Variants in ZNF710 observed in about 807,000 individuals in gnomAD.
ZNF710 encodes zinc finger protein 710.
ZNF710 carries 13 observed loss-of-function variants against 50.6 expected under a neutral mutation model. That is an observed-to-expected ratio of 0.26 (90% CI 0.17 to 0.41). ZNF710 has a LOEUF of 0.41. ZNF710 is among the 10% of genes least tolerant of loss of function. The pLI is 1.00. For missense variants in ZNF710, 721 were observed against 936.6 expected (o/e 0.77, Z 3.01); for synonymous variants, 383 against 397.0 (o/e 0.96, Z 0.42).
At chr15:90,021,883 C>G (rs1380486746) in intron 1 of ZNF710, among the ~76,000 whole-genome samples, 1 of 152,032 alleles carries the variant, frequency 6.6e-6, no homozygotes, top group Non-Finnish European at 1.5e-5. Context: ...GTCAGAAGTT[C>G]AAGACCAGGT....
At position 90,080,116 on chromosome 15, in the gene ZNF710, A is replaced by G. The variant is rs963420455; in HGVS notation, c.*287A>G. ...GCCTGCTTCCGTGGGGAGTGGGAGAAGTGGGGCCACTGGGGACAGGTCACA... is the reference window on the plus strand; with the variant it reads ...GCCTGCTTCCGTGGGGAGTGGGAGAGGTGGGGCCACTGGGGACAGGTCACA... On this transcript the variant is annotated 3_prime_UTR_variant, in exon 5 of 5. Transcript: ENST00000268154. 9.8e-6 allele frequency: 3 copies of G among 307,452 alleles called. No homozygotes were observed. The highest frequency in any genetic ancestry group is 1.8e-5 in the Non-Finnish European group (3 of 168,738). 19.0% of individuals were successfully genotyped at this position (307,452 alleles called of 1,614,324 possible). A position where few individuals can be genotyped will look rare whatever the true frequency, so the allele number is the denominator to read the frequency against.
At chr15:90,035,755 C>A (rs1308423171) in intron 1 of ZNF710, among the ~76,000 whole-genome samples, 2 of 152,212 alleles carry the variant, frequency 1.3e-5, no homozygotes, top group Admixed American at 1.3e-4. Flanking sequence ...CGCCTTCTAG[C>A]AAAAATGTCC....
At chr15:90,069,757 T>C (rs1485411488) in intron 2 of ZNF710, among the ~76,000 whole-genome samples, 8 of 152,064 alleles carry the variant, frequency 5.3e-5, no homozygotes, top group Non-Finnish European at 1.2e-4. Flanking sequence ...AAGGCAGAAA[T>C]TGAGCAGCAC....
At chr15:90,006,015 A>C (rs1441034538) in intron 1 of ZNF710, among the ~76,000 whole-genome samples, 1 of 152,066 alleles carries the variant, frequency 6.6e-6, no homozygotes, top group Admixed American at 6.6e-5. Context: ...CATGCCAAAG[A>C]GTTGGGCGTT....
chr15:90,021,017 C>CCCA (rs999752547), intron 1 of ZNF710, among the ~76,000 whole-genome samples: 35 of 106,902 alleles, frequency 3.3e-4, no homozygotes, highest in Admixed American at 1.5e-3. Flanking sequence ...GCACCCCCCC[C>CCCA]CCCTTAGCAG....
chr15:90,000,898 C>T (rs905645900), upstream of ZNF710, among the ~76,000 whole-genome samples: 1 of 152,124 alleles, frequency 6.6e-6, no homozygotes, highest in African/African-American at 2.4e-5. Context: ...CCCCTTTGTA[C>T]CGGACAGGGC....
At position 90,074,492 on chromosome 15, in the gene ZNF710, A is replaced by T. The variant is rs1324295942; in HGVS notation, c.1825+202A>T. Reference sequence around the variant, plus strand: ...TTTATGTCTTCTTCAAAGGACTTAAATGAGATCACGTAAACAATATAATAA... The same window carrying T: ...TTTATGTCTTCTTCAAAGGACTTAATTGAGATCACGTAAACAATATAATAA... On this transcript the variant is annotated intron_variant, in intron 4 of 4. Transcript: ENST00000268154. The T allele has an allele frequency of 2.0e-6, 3 of 1,522,554 alleles. No homozygotes were observed. In the Admixed American group the frequency reaches 5.9e-5, roughly 30 times the overall value. The allele number at this position is 1,522,554 out of a possible 1,614,324, so 94.3% of individuals were successfully genotyped here. A position where few individuals can be genotyped will look rare whatever the true frequency, so the allele number is the denominator to read the frequency against.
chr15:90,029,920 A>T (rs1898884058), intron 1 of ZNF710, among the ~76,000 whole-genome samples: 1 of 151,908 alleles, frequency 6.6e-6, no homozygotes, highest in Admixed American at 6.6e-5. Flanking sequence ...TGGCCAAAAA[A>T]CTTTTTAGTA....
Position 90,073,061 on chromosome 15 carries a change from C to T in ZNF710, c.1459-10C>T. ...TTGTGTGGCCCTGACCATCACCCCCCACCCCACAGGGCGTGAAGGAGTTCA... is the reference window on the plus strand; with the variant it reads ...TTGTGTGGCCCTGACCATCACCCCCTACCCCACAGGGCGTGAAGGAGTTCA... On this transcript the variant is annotated splice_polypyrimidine_tract_variant and intron_variant, in intron 2 of 4. Coordinates refer to ENST00000268154, the MANE Select transcript of ZNF710 (RefSeq NM_198526.4). 3 of 1,610,774 alleles carry T rather than the reference C, an allele frequency of 1.9e-6. No individual in the cohort carries two copies. The highest frequency in any genetic ancestry group is 1.1e-5 in the South Asian group (1 of 90,882).
intron 1 of ZNF710, among the ~76,000 whole-genome samples, chr15:90,033,907 A>G (rs770142180): frequency 1.3e-5 from 2 of 152,206 alleles, no homozygotes; most frequent in African/African-American, 2.4e-5. Context: ...CTCAGAGTTT[A>G]GAAAATGGGA....
intron 2 of ZNF710, among the ~76,000 whole-genome samples, chr15:90,069,989 C>A (rs1900320568): frequency 6.6e-6 from 1 of 152,188 alleles, no homozygotes; most frequent in Non-Finnish European, 1.5e-5. Context: ...CTTTACCCTT[C>A]AAAGCTGAAT....
chr15:90,074,854 T>G (rs2151539057), intron 4 of ZNF710: 1 of 277,954 alleles, frequency 3.6e-6, no homozygotes, highest in Non-Finnish European at 6.9e-6. Flanking sequence ...AGAGGGGAGA[T>G]CTGAGCTTCC....
At chr15:90,071,616 A>G (rs150393620) in intron 2 of ZNF710, among the ~76,000 whole-genome samples, 162 of 151,516 alleles carry the variant, frequency 1.1e-3, no homozygotes, top group African/African-American at 3.9e-3. Flanking sequence ...TAAATTACTA[A>G]CTCATCAAAA....
Position 90,067,322 on chromosome 15 carries a change from C to T in ZNF710, c.185C>T (p.Pro62Leu). 1 of 1,605,780 alleles carries T rather than the reference C, an allele frequency of 6.2e-7. No individual in the cohort carries two copies. Among genetic ancestry groups the T allele is most frequent in the Non-Finnish European group, 8.5e-7 (1 of 1,176,230 alleles). ...GCAGCCATGGGAGAGCCCGAGCCAC[C>T]AGGCCCCGACGTCTACCAGCTGGCC... ...SGAAMGEPEP[P>L]GPDVYQLACN... Residue 62 changes from proline to leucine, a missense_variant, in exon 2 of 5, where the codon CCA (proline) becomes CTA (leucine). Pro to Leu is a moderately conservative substitution (Grantham distance 98). Around this residue, in one of 3 missense-constraint regions of ZNF710, gnomAD observed 326 missense variants for 347.1 expected, o/e 0.94. Transcript: ENST00000268154. This position sits in a 1 kb window ranked among gnomAD's most constrained non-coding sequence, Gnocchi z 8.1.
intron 1 of ZNF710, among the ~76,000 whole-genome samples, chr15:90,015,475 CATTTTTCAAG>C (rs1898427578): frequency 6.6e-6 from 1 of 151,986 alleles, no homozygotes; most frequent in Non-Finnish European, 1.5e-5. Context: ...TGAAATGATG[CATTTTTCAAG>C]ATAGTTAATT....
rs116143327 is a variant in ZNF710, at chr15:90,062,609, C to T, written c.-28-4501C>T. ...ACACCTGGCAGGCTCTCTTCCTGCC[C>T]TGGATGGCCCTGTGCCAGGACATAA... On this transcript the variant is annotated intron_variant, in intron 1 of 4. Transcript: ENST00000268154. This position sits in a 1 kb window ranked among gnomAD's most constrained non-coding sequence, Gnocchi z 5.6. Among the ~76,000 whole-genome samples, 289 of 152,298 alleles carry T rather than the reference C, an allele frequency of 1.9e-3. No individual in the cohort carries two copies. The highest frequency in any genetic ancestry group is 6.4e-3 in the African/African-American group (264 of 41,562).
intron 1 of ZNF710, among the ~76,000 whole-genome samples, chr15:90,044,889 A>G (rs1313359250): frequency 6.6e-6 from 1 of 152,068 alleles, no homozygotes; most frequent in African/African-American, 2.4e-5. Flanking sequence ...CTGAGGAGTA[A>G]AGGTGGCCCT....
At chr15:90,076,855 C>G (rs543680743) in intron 4 of ZNF710, among the ~76,000 whole-genome samples, 3 of 152,146 alleles carry the variant, frequency 2.0e-5, no homozygotes, top group African/African-American at 7.2e-5. Context: ...TCCCTGTACA[C>G]CTTGTTCCTC....
At chr15:90,002,228 G>A (rs1276896784) in intron 1 of ZNF710, among the ~76,000 whole-genome samples, 1 of 151,786 alleles carries the variant, frequency 6.6e-6, no homozygotes, top group Non-Finnish European at 1.5e-5. Context: ...CAGCCGGCCG[G>A]GGGTGGGGGA....
Sources: allele counts gnomAD v4.1 joint callset (sites outside exome capture counted in the v4.1 genomes callset), GRCh38; gene constraint gnomAD v4.1.1; regional missense constraint gnomAD v4.1.1; non-coding constraint Gnocchi (gnomAD v3.1); transcripts MANE v1.5; gene names NCBI Gene and HGNC (gene_info 2026-07-23, HGNC 2026-07-21).